Variants in AP4E1 observed in about 807,000 individuals in gnomAD.
AP4E1 encodes the protein adaptor related protein complex 4 subunit epsilon 1, also known as AP-4 complex subunit epsilon-1.
Under a neutral mutation model 128.2 loss-of-function variants are expected in AP4E1, and 56 were observed. The observed-to-expected ratio is 0.44, with a 90% confidence interval of 0.35 to 0.55. AP4E1 has a LOEUF of 0.55. Among genes scored for constraint, AP4E1 ranks in the 20% least tolerant of loss-of-function variants. The probability of loss-of-function intolerance (pLI) is 0.00; values close to 1 mark genes in which losing one functional copy is unlikely to be tolerated. For missense variants in AP4E1, 1,324 were observed against 1,307.7 expected, an observed-to-expected ratio of 1.01 and a Z score of -0.19; for synonymous variants, 484 against 473.1, an observed-to-expected ratio of 1.02 and a Z score of -0.30.
chr15:50,977,211 T>C (rs940943743), intron 15 of AP4E1, among the ~76,000 whole-genome samples: 4 of 152,186 alleles, frequency 2.6e-5, no homozygotes, highest in Non-Finnish European at 5.9e-5. Context: ...ACTTCCTTAT[T>C]TTCAGGTATC....
rs1475091049 is a variant in AP4E1 at position 51,004,903 on chromosome 15, G to A, written c.*2241G>A. 1 of 150,546 alleles carries A rather than the reference G, an allele frequency of 6.6e-6. No individual in the cohort carries two copies. Among genetic ancestry groups the A allele is most frequent in the East Asian group, 1.9e-4 (1 of 5,152 alleles). The allele number at this position is 150,546 out of a possible 1,614,324, so 9.3% of individuals were successfully genotyped here. A position where few individuals can be genotyped will look rare whatever the true frequency, so the allele number is the denominator to read the frequency against. On this transcript the variant is annotated 3_prime_UTR_variant, in exon 21 of 21. Transcript: ENST00000261842. ...TAAAGTAGGGAGTTTTTTTTTTTGAGACAGAGTTTCACCCTTGTTGCCCAG... is the reference window on the plus strand; with the variant it reads ...TAAAGTAGGGAGTTTTTTTTTTTGAAACAGAGTTTCACCCTTGTTGCCCAG...
At position 50,961,930 on chromosome 15, in the gene AP4E1, A is replaced by T. The variant is rs1480710800; in HGVS notation, c.1851+3136A>T. On this transcript the variant is annotated intron_variant, in intron 14 of 20. Transcript: ENST00000261842. ...ATCCAGGATACAAAAATCAACATAC[A>T]AAAATCAGTAGCATTTCTGTACACC... Among the ~76,000 whole-genome samples, 7 of 152,040 alleles carry T rather than the reference A, an allele frequency of 4.6e-5. No individual in the cohort carries two copies. The East Asian group carries it at 1.3e-3, about 29-fold the overall frequency.
intron 16 of AP4E1, among the ~76,000 whole-genome samples, chr15:50,986,809 G>C (rs1412487064): frequency 6.6e-6 from 1 of 152,200 alleles, no homozygotes; most frequent in Non-Finnish European, 1.5e-5. Context: ...GTATCAGGAT[G>C]ATGCTGGCCT....
Position 50,941,717 on chromosome 15 carries a change from A to G in AP4E1, c.1118A>G (p.Gln373Arg). The change falls in exon 10 of 21, where the codon CAA (glutamine) becomes CGA (arginine). Residue 373 changes from glutamine to arginine, a missense_variant. Coordinates refer to ENST00000261842, the MANE Select transcript of AP4E1 (RefSeq NM_007347.5). ...CAACAGGATCCTACTCTGGCTCTTCAACACCAGATGACAATAATTGAATGT... is the reference window on the plus strand; with the variant it reads ...CAACAGGATCCTACTCTGGCTCTTCGACACCAGATGACAATAATTGAATGT... ...VIQQDPTLAL[Q>R]HQMTIIECLD... 1.2e-6 allele frequency: 2 copies of G among 1,613,706 alleles called. No individual in the cohort carries two copies. Among genetic ancestry groups the G allele is most frequent in the Non-Finnish European group, 1.7e-6 (2 of 1,179,730 alleles).
chr15:50,946,721 G>A (rs1378399627), intron 10 of AP4E1, among the ~76,000 whole-genome samples: 1 of 152,154 alleles, frequency 6.6e-6, no homozygotes, highest in East Asian at 1.9e-4. Context: ...AATAAATGAT[G>A]CTTTCTCAGT....
Position 50,930,943 on chromosome 15 carries a change from C to T in AP4E1, c.841C>T (p.Leu281=). 2 of 1,614,088 alleles carry T rather than the reference C, an allele frequency of 1.2e-6. No individual in the cohort carries two copies. Among genetic ancestry groups the T allele is most frequent in the Admixed American group, 1.7e-5 (1 of 60,024 alleles). ...PWLQIQLLRI[L]GLLGKDDQRT... is the part of the protein sequence containing the mutation. ...GTTACAAATTCAGCTCTTGAGAATA[C>T]TGGGACTTCTAGGAAAAGATGATCA... Residue 281 remains leucine (L), a synonymous_variant, in exon 7 of 21, where the codon CTG becomes TTG. Coordinates refer to ENST00000261842, the MANE Select transcript of AP4E1 (RefSeq NM_007347.5).
chr15:50,990,957 T>C (rs933766149), intron 16 of AP4E1, among the ~76,000 whole-genome samples: 2 of 152,094 alleles, frequency 1.3e-5, no homozygotes, highest in African/African-American at 4.8e-5. Flanking sequence ...AGAAGCAGGT[T>C]TGGGCAGAAG....
intron 14 of AP4E1, among the ~76,000 whole-genome samples, chr15:50,961,675 T>G (rs2064316245): frequency 6.6e-6 from 1 of 152,004 alleles, no homozygotes; most frequent in Non-Finnish European, 1.5e-5. Flanking sequence ...CTGAAGGCAC[T>G]TCCTCTAAGA....
intron 15 of AP4E1, among the ~76,000 whole-genome samples, chr15:50,977,706 G>GTTTTTTGTTTT (rs2064571928): frequency 1.2e-5 from 1 of 80,296 alleles, no homozygotes; most frequent in Non-Finnish European, 2.6e-5. Flanking sequence ...ATCTGTTATG[G>GTTTTTTGTTTT]TTTTTTTTTT....
At chr15:50,975,886 G>C (rs2064543471) in intron 15 of AP4E1, among the ~76,000 whole-genome samples, 1 of 152,022 alleles carries the variant, frequency 6.6e-6, no homozygotes, top group South Asian at 2.1e-4. Flanking sequence ...CATGGTGGGA[G>C]GATCACTTGA....
chr15:50,921,018 G>T (rs2063697062), intron 3 of AP4E1, among the ~76,000 whole-genome samples: 1 of 151,212 alleles, frequency 6.6e-6, no homozygotes, highest in Non-Finnish European at 1.5e-5. Context: ...GGCCAGGCTG[G>T]TCTCGAACTC....
intron 20 of AP4E1, among the ~76,000 whole-genome samples, chr15:51,002,090 A>G (rs2064970789): frequency 6.6e-6 from 1 of 152,160 alleles, no homozygotes; most frequent in South Asian, 2.1e-4. Context: ...CATATTGCCT[A>G]GGCAGGTCTA....
chr15:50,934,532 G>A (rs2141164504), intron 7 of AP4E1, 92 bp from the exon 8 acceptor site: 2 of 803,770 alleles, frequency 2.5e-6, no homozygotes, highest in South Asian at 1.5e-5. Context: ...CTTCTCTTCT[G>A]TAGATCCTCA....
At position 50,950,249 on chromosome 15, in the gene AP4E1, C is replaced by T. The variant is rs965047221; in HGVS notation, c.1548+80C>T. 3.9e-6 allele frequency: 4 copies of T among 1,023,598 alleles called. No homozygotes were observed. The African/African-American group carries it at 6.4e-5, about 16-fold the overall frequency. The allele number at this position is 1,023,598 out of a possible 1,614,324, so 63.4% of individuals were successfully genotyped here. The stretch of plus-strand genomic sequence containing the variant: ...ATGTTAACATATTTTCTTCAGAAAC[C>T]ATTCGCTTTACTCAGCTAACTCCTT... On this transcript the variant is annotated intron_variant, in intron 13 of 20. Transcript: ENST00000261842.
chr15:50,912,041 C>A, intron 1 of AP4E1, 37 bp from the exon 2 acceptor site: 1 of 1,473,364 alleles, frequency 6.8e-7, no homozygotes, highest in Non-Finnish European at 9.5e-7. Flanking sequence ...TTTTAAAAGA[C>A]AGTTAATCAA....
intron 8 of AP4E1, among the ~76,000 whole-genome samples, chr15:50,938,101 C>T (rs557855024): frequency 6.4e-4 from 98 of 152,054 alleles, no homozygotes; most frequent in African/African-American, 1.9e-3. Flanking sequence ...ACATAAGACT[C>T]AGGAAGGTGG....
chr15:50,979,557 C>T (rs1363853653), intron 15 of AP4E1, among the ~76,000 whole-genome samples: 1 of 152,160 alleles, frequency 6.6e-6, no homozygotes. Flanking sequence ...CGGAGTTTCA[C>T]TCTGTCACCC....
intron 8 of AP4E1, among the ~76,000 whole-genome samples, chr15:50,935,380 A>G (rs1003971036): frequency 1.4e-5 from 2 of 147,396 alleles, no homozygotes; most frequent in Non-Finnish European, 2.9e-5. Flanking sequence ...ATAAATTGTT[A>G]CATGCAATTT....
chr15:50,973,484 G>A (rs937867121), intron 15 of AP4E1, among the ~76,000 whole-genome samples: 2 of 152,078 alleles, frequency 1.3e-5, no homozygotes, highest in African/African-American at 2.4e-5. Flanking sequence ...CGTTATGATT[G>A]ACTGTAGATA....
Sources: gnomAD v4.1 joint callset for allele counts (sites outside exome capture counted in the v4.1 genomes callset) on GRCh38, gnomAD v4.1.1 for gene constraint, MANE v1.5 for transcripts, NCBI Gene and HGNC (gene_info 2026-07-23, HGNC 2026-07-21) for gene names.